PRSS56: variants seen among roughly 807,000 people sequenced by gnomAD.
PRSS56 encodes protease, serine 56.
In PRSS56, 55 loss-of-function variants were observed where a neutral mutation model predicts 66.8. The observed-to-expected ratio is 0.82, with a 90% confidence interval of 0.66 to 1.03. The LOEUF (loss-of-function observed/expected upper bound fraction) is 1.03. Among genes scored for constraint, PRSS56 ranks in the 50% least tolerant of loss-of-function variants. The probability of loss-of-function intolerance (pLI) is 0.00; values close to 1 mark genes in which losing one functional copy is unlikely to be tolerated. For synonymous variants in PRSS56, 409 were observed against 387.9 expected, an observed-to-expected ratio of 1.05 and a Z score of -0.64; for missense variants, 869 against 837.2, an observed-to-expected ratio of 1.04 and a Z score of -0.47.
Position 232,520,679 on chromosome 2 carries a change from C to T in PRSS56, c.81C>T (p.Pro27=). The T allele has an allele frequency of 6.5e-7, 1 of 1,533,596 alleles. No individual in the cohort carries two copies. Among genetic ancestry groups the T allele is most frequent in the Non-Finnish European group, 8.7e-7 (1 of 1,144,896 alleles). 95.0% of individuals were successfully genotyped at this position (1,533,596 alleles called of 1,614,324 possible). ...GGCACCCACTGTACACACGCCTGCC[C>T]CCCAGCGCCCTGCAAGGTAAGTCCA... is the stretch of plus-strand genomic sequence containing the variant. ...AHGHPLYTRL[P]PSALQVLSAQ... is the part of the protein sequence containing the mutation. The change falls in exon 1 of 13, where the codon CCC becomes CCT. Residue 27 remains proline (P), a synonymous_variant. Transcript: ENST00000617714.
intron 12 of PRSS56, 149 bp downstream of exon 12, chr2:232,524,993 G>A: frequency 1.2e-6 from 1 of 805,778 alleles, no homozygotes; most frequent in Non-Finnish European, 1.9e-6. Context: ...GAGGGTCCGA[G>A]GGGAAGGGAG....
In PRSS56 at chr2:232,523,207, G is replaced by T; in HGVS notation, c.849+5G>T. Reference sequence around the variant, plus strand: ...GGGGGCGTTGACTCGTGCCAGGTATGAACCCAGTCTGATGAGAAAAGGCCG... The same window carrying T: ...GGGGGCGTTGACTCGTGCCAGGTATTAACCCAGTCTGATGAGAAAAGGCCG... On this transcript the variant is annotated splice_donor_5th_base_variant and intron_variant, in intron 7 of 12. Coordinates refer to ENST00000617714, the MANE Select transcript of PRSS56 (RefSeq NM_001195129.2). 2 of 1,449,668 alleles carry T rather than the reference G, an allele frequency of 1.4e-6. No individual in the cohort carries two copies. Among genetic ancestry groups the T allele is most frequent in the South Asian group, 1.4e-5 (1 of 70,726 alleles). The allele number at this position is 1,449,668 out of a possible 1,614,324, so 89.8% of individuals were successfully genotyped here. A position where few individuals can be genotyped will look rare whatever the true frequency, so the allele number is the denominator to read the frequency against.
At position 232,522,752 on chromosome 2, in the gene PRSS56, G is replaced by A. The variant is rs1230648454; in HGVS notation, c.597G>A (p.Thr199=). The A allele has an allele frequency of 6.5e-7, 1 of 1,532,174 alleles. No individual in the cohort carries two copies. The highest frequency in any genetic ancestry group is 8.7e-7 in the Non-Finnish European group (1 of 1,144,426). The allele number at this position is 1,532,174 out of a possible 1,614,324, so 94.9% of individuals were successfully genotyped here. ...HNDLALVQLW[T]PVSPGGSARP... ...ACCTGGCCCTGGTGCAGCTGTGGAC[G>A]CCGGTGAGCCCGGGGGGATCGGCGC... Residue 199 remains threonine, a synonymous_variant, in exon 6 of 13, where the codon ACG becomes ACA. Transcript: ENST00000617714.
intron 12 of PRSS56, 51 bp downstream of exon 12, chr2:232,524,895 AC>A: frequency 7.1e-7 from 1 of 1,407,606 alleles, no homozygotes; most frequent in Non-Finnish European, 9.7e-7. Flanking sequence ...GAAGGCTGAG[AC>A]CCAGCCCAGG....
At position 232,523,497 on chromosome 2, in the gene PRSS56, G is replaced by A; in HGVS notation, c.931G>A (p.Asp311Asn). 6.5e-7 allele frequency: 1 copy of A among 1,531,268 alleles called. No individual in the cohort carries two copies. The highest frequency in any genetic ancestry group is 8.7e-7 in the Non-Finnish European group (1 of 1,144,662). 94.9% of individuals were successfully genotyped at this position (1,531,268 alleles called of 1,614,324 possible). ...CCTGTTCGGAGTCACCTCCTGGGGG[G>A]ACGGCTGCGGGGAGCCAGGGAAGCC... ...EVLFGVTSWG[D>N]GCGEPGKPGV... Residue 311 changes from aspartate to asparagine, a missense_variant, in exon 8 of 13, where the codon GAC becomes AAC. Asp to Asn is a conservative substitution (Grantham distance 23). This residue lies in a region of PRSS56 where 551 missense variants were observed against 506.9 expected (regional missense o/e 1.09). Coordinates refer to ENST00000617714, the MANE Select transcript of PRSS56 (RefSeq NM_001195129.2).
Position 232,524,374 on chromosome 2 carries a change from T to C in PRSS56, c.1414+5T>C, listed in dbSNP as rs574695299. On this transcript the variant is annotated splice_donor_5th_base_variant and intron_variant, in intron 11 of 12. Coordinates refer to ENST00000617714, the MANE Select transcript of PRSS56 (RefSeq NM_001195129.2). The stretch of plus-strand genomic sequence containing the variant: ...AGCCGCGCGGAGAAGCCAACGGTAA[T>C]GACGCCCCCTGCCGACCTTCAGGAG... 2 of 1,534,590 alleles carry C rather than the reference T, an allele frequency of 1.3e-6. No individual in the cohort carries two copies. The highest frequency in any genetic ancestry group is 1.7e-6 in the Non-Finnish European group (2 of 1,146,246).
rs763972788 is a variant in PRSS56, at chr2:232,521,357, C to A, written c.134C>A (p.Ala45Asp). ...SAQGTQALQAAQRSAQWAINR... is the reference protein window; with the variant it reads ...SAQGTQALQADQRSAQWAINR... ...CAGGGGACTCAGGCGTTGCAGGCAG[C>A]CCAGAGGAGCGCCCAGTGGGCAATA... is the stretch of plus-strand genomic sequence containing the variant. The change falls in exon 2 of 13, where the codon GCC (alanine) becomes GAC (aspartate). Residue 45 changes from alanine (A) to aspartate (D), a missense_variant. Physicochemically the swap from Ala to Asp is moderately radical, Grantham distance 126. Coordinates refer to ENST00000617714, the MANE Select transcript of PRSS56 (RefSeq NM_001195129.2). The A allele has an allele frequency of 3.9e-6, 6 of 1,536,122 alleles. No homozygotes were observed. The highest frequency in any genetic ancestry group is 5.2e-6 in the Non-Finnish European group (6 of 1,146,894).
At chr2:232,523,038 G>A in intron 6 of PRSS56, 22 bp from the exon 7 acceptor site, 1 of 1,533,038 alleles carries the variant, frequency 6.5e-7, no homozygotes, top group Non-Finnish European at 8.7e-7. Flanking sequence ...CCAAACCTGA[G>A]CCTTCCACCC....
chr2:232,521,862 G>A lies in PRSS56; in HGVS notation c.252G>A (p.Glu84=). Residue 84 remains glutamate, a synonymous_variant, in exon 3 of 13, where the codon GAG becomes GAA. Coordinates refer to ENST00000617714, the MANE Select transcript of PRSS56 (RefSeq NM_001195129.2). ...RPQALLQDPP[E]PGPCGERRPS... ...AAGCTCTCCTCCAGGACCCACCTGA[G>A]CCAGGTGAGGTTGAAAAGGCTCGAG... 2 of 1,535,880 alleles carry A rather than the reference G, an allele frequency of 1.3e-6. No individual in the cohort carries two copies. The highest frequency in any genetic ancestry group is 1.7e-6 in the Non-Finnish European group (2 of 1,146,710).
Position 232,520,573 on chromosome 2 carries a change from GT to G in PRSS56, c.-25del. On this transcript the variant is annotated 5_prime_UTR_variant, in exon 1 of 13. Coordinates refer to ENST00000617714, the MANE Select transcript of PRSS56 (RefSeq NM_001195129.2). ...ACTCCGAGGAGGAGAGAGGACAGGG[GT>G]CTCTCACCCCAGCTCCTGGTCACCA... 1 of 1,520,184 alleles carries G rather than the reference GT, an allele frequency of 6.6e-7. No individual in the cohort carries two copies. Among genetic ancestry groups the G allele is most frequent in the Non-Finnish European group, 8.8e-7 (1 of 1,132,440 alleles). 94.2% of individuals were successfully genotyped at this position (1,520,184 alleles called of 1,614,324 possible). A position where few individuals can be genotyped will look rare whatever the true frequency, so the allele number is the denominator to read the frequency against.
At position 232,522,507 on chromosome 2, in the gene PRSS56, A is replaced by C. The variant is rs954142466; in HGVS notation, c.447-8A>C. The C allele has an allele frequency of 3.9e-6, 6 of 1,527,082 alleles. No homozygotes were observed. The highest frequency in any genetic ancestry group is 5.3e-6 in the Non-Finnish European group (6 of 1,142,150). The allele number at this position is 1,527,082 out of a possible 1,614,324, so 94.6% of individuals were successfully genotyped here. Reference sequence around the variant, plus strand: ...CTTCCTGCGTCTCAGCTGCCGCTCGACCCGCAGCGCCCCGAATGAGCTTCT... The same window carrying C: ...CTTCCTGCGTCTCAGCTGCCGCTCGCCCCGCAGCGCCCCGAATGAGCTTCT... On this transcript the variant is annotated splice_polypyrimidine_tract_variant and splice_region_variant and intron_variant, in intron 4 of 12. Transcript: ENST00000617714.
chr2:232,524,905 G>A (rs1574625117), intron 12 of PRSS56, 61 bp downstream of exon 12: 2 of 1,350,310 alleles, frequency 1.5e-6, no homozygotes, highest in African/African-American at 1.4e-5. Flanking sequence ...ACCCAGCCCA[G>A]GGAAGATGCA....
At chr2:232,524,269 C>G (rs904268558) in intron 10 of PRSS56, 38 bp from the exon 11 acceptor site, 1 of 1,535,278 alleles carries the variant, frequency 6.5e-7, no homozygotes, top group African/African-American at 1.4e-5. Context: ...CAGCCACTTT[C>G]TCCGCCGAGG....
chr2:232,521,668 G>A, intron 2 of PRSS56, 148 bp from the exon 3 acceptor site: 1 of 845,330 alleles, frequency 1.2e-6, no homozygotes, highest in South Asian at 1.7e-5. Flanking sequence ...GTGGTGACCA[G>A]GAGAAGTTCA....
At position 232,524,323 on chromosome 2, in the gene PRSS56, C is replaced by T; in HGVS notation, c.1368C>T (p.Gly456=). The part of the protein sequence containing the change: ...LRLHSGSRAA[G]TRFPKRRPEP... ...CCTCCCCAGGATCGCGGGCTGCAGG[C>T]ACTCGGTTCCCGAAGCGGAGGCCGG... Residue 456 remains glycine (G), a synonymous_variant, in exon 11 of 13, where the codon GGC becomes GGT. Transcript: ENST00000617714. 6.5e-7 allele frequency: 1 copy of T among 1,535,786 alleles called. No homozygotes were observed.
intron 11 of PRSS56, among the ~76,000 whole-genome samples, 155 bp downstream of exon 11, chr2:232,524,524 T>G (rs1691372234): frequency 6.6e-6 from 1 of 152,250 alleles, no homozygotes; most frequent in South Asian, 2.1e-4. Flanking sequence ...ATGACTCTTT[T>G]GGAGTACTTG....
At chr2:232,524,868 CCTT>C (rs1691384353) in intron 12 of PRSS56, 24 bp downstream of exon 12, 1 of 1,493,948 alleles carries the variant, frequency 6.7e-7, no homozygotes, top group Non-Finnish European at 9.0e-7. Flanking sequence ...CTTCCAGACT[CCTT>C]CACGATGGCC....
rs116445642 is a variant in PRSS56 at position 232,520,722 on chromosome 2, C to T, written c.97+27C>T. On this transcript the variant is annotated intron_variant, in intron 1 of 12. Coordinates refer to ENST00000617714, the MANE Select transcript of PRSS56 (RefSeq NM_001195129.2). ...TAAGTCCAGGCTGGCCCGAGAGCCGCGGGGTTGGGAGGAATGTAGAGGAAG... is the reference window on the plus strand; with the variant it reads ...TAAGTCCAGGCTGGCCCGAGAGCCGTGGGGTTGGGAGGAATGTAGAGGAAG... 93,035 of 1,463,488 alleles carry T rather than the reference C, an allele frequency of 0.064. 3,161 individuals are homozygous for T. The highest frequency in any genetic ancestry group is 0.09 in the Admixed American group (4,512 of 49,946). 90.7% of individuals were successfully genotyped at this position (1,463,488 alleles called of 1,614,324 possible). A position where few individuals can be genotyped will look rare whatever the true frequency, so the allele number is the denominator to read the frequency against.
In PRSS56 at chr2:232,523,113, G is replaced by T. The variant is rs575712686; in HGVS notation, c.760G>T (p.Asp254Tyr). ...REARVPLLST[D>Y]TCRRALGPGL... ...GGCCCGTGTTCCCCTGCTCAGCACC[G>T]ACACCTGCCGAAGAGCCCTGGGGCC... The change falls in exon 7 of 13, where the codon GAC becomes TAC. Residue 254 changes from aspartate (D) to tyrosine (Y), a missense_variant. Coordinates refer to ENST00000617714, the MANE Select transcript of PRSS56 (RefSeq NM_001195129.2). The T allele has an allele frequency of 6.5e-7, 1 of 1,534,858 alleles. No individual in the cohort carries two copies. The highest frequency in any genetic ancestry group is 8.7e-7 in the Non-Finnish European group (1 of 1,146,226).
Sources: gnomAD v4.1 joint callset for allele counts (sites outside exome capture counted in the v4.1 genomes callset) on GRCh38, gnomAD v4.1.1 for gene constraint, gnomAD v4.1.1 regional missense constraint, MANE v1.5 for transcripts, NCBI Gene and HGNC (gene_info 2026-07-23, HGNC 2026-07-21) for gene names.